NELL2: variants seen among roughly 807,000 people sequenced by gnomAD.
The protein encoded by NELL2 is neural EGFL like 2.
NELL2 carries 41 observed loss-of-function variants against 109.6 expected under a neutral mutation model. The ratio of observed to expected loss-of-function variants is 0.37; its 90% confidence interval spans 0.29 to 0.49. The LOEUF is 0.49. Ranked by LOEUF, NELL2 falls within the 20% of genes least tolerant of loss-of-function variation. The pLI is 0.98. For missense variants in NELL2, 900 were observed against 1,008.3 expected (o/e 0.89, Z 1.45); for synonymous variants, 355 against 344.7 (o/e 1.03, Z -0.33).
chr12:44,583,590 A>G (rs1944395207), intron 15 of NELL2, among the ~76,000 whole-genome samples: 4 of 152,228 alleles, frequency 2.6e-5, no homozygotes, highest in Admixed American at 2.6e-4. Context: ...TTAATAAAAA[A>G]CAAAGATTTA....
chr12:44,746,760 T>C (rs1033606068), intron 9 of NELL2, among the ~76,000 whole-genome samples: 32 of 151,848 alleles, frequency 2.1e-4, no homozygotes, highest in African/African-American at 6.1e-4. Context: ...TACCATCTCA[T>C]ACCAGTTAGA....
intron 2 of NELL2, among the ~76,000 whole-genome samples, chr12:44,873,992 T>C (rs758755302): frequency 1.3e-5 from 2 of 152,208 alleles, no homozygotes; most frequent in Non-Finnish European, 2.9e-5. Context: ...AAATTGCATT[T>C]TAATTTTTTA....
chr12:44,612,216 C>T (rs1945646780), intron 13 of NELL2, among the ~76,000 whole-genome samples: 1 of 151,872 alleles, frequency 6.6e-6, no homozygotes, highest in Non-Finnish European at 1.5e-5. Context: ...AAATCACTTA[C>T]TTCAACTACT....
intron 2 of NELL2, among the ~76,000 whole-genome samples, chr12:44,826,951 T>C (rs1943729385): frequency 6.6e-6 from 1 of 152,228 alleles, no homozygotes; most frequent in African/African-American, 2.4e-5. Context: ...TTAGAATCAT[T>C]AGGTGTTTCA....
chr12:44,918,334 C>A (rs1448171519), upstream of NELL2, among the ~76,000 whole-genome samples: 1 of 152,302 alleles, frequency 6.6e-6, no homozygotes, highest in Admixed American at 6.5e-5. Context: ...CTTTAACCAT[C>A]TGGAATGCAA....
At chr12:44,876,599 G>A, upstream of NELL2, 1 of 1,548,052 alleles carries the variant, frequency 6.5e-7, no homozygotes, top group Non-Finnish European at 8.7e-7. Context: ...GGCGGTCTTT[G>A]CTCTCACCCC....
At chr12:44,876,622 G>T, upstream of NELL2, 1 of 1,551,036 alleles carries the variant, frequency 6.4e-7, no homozygotes, top group Admixed American at 2.0e-5. Flanking sequence ...GATTTCGGGC[G>T]CGTGTCTTGA....
intron 3 of NELL2, among the ~76,000 whole-genome samples, chr12:44,792,282 CAG>C (rs1446832660): frequency 6.6e-6 from 1 of 152,018 alleles, no homozygotes; most frequent in Non-Finnish European, 1.5e-5. Context: ...AGAGAAGAAA[CAG>C]ACAATAAATG....
chr12:44,770,536 AAAATT>A (rs1480588469), intron 9 of NELL2, among the ~76,000 whole-genome samples: 1 of 152,240 alleles, frequency 6.6e-6, no homozygotes, highest in Non-Finnish European at 1.5e-5. Context: ...GATGGCTTTT[AAAATT>A]AAGTTTAAAA....
chr12:44,665,493 A>C lies in NELL2; in HGVS notation c.1435T>G (p.Ser479Ala). ...AATAGCCACCGTTTACCTGTACATG[A>C]ATAATCATCAATTCTGATGTATCCA... Reference protein sequence around the residue: ...KTGYIRIDDYSCTEHDECITN... With the variant: ...KTGYIRIDDYACTEHDECITN... The change falls in exon 13 of 20, where the codon TCA (serine) becomes GCA (alanine). Residue 479 changes from serine to alanine, a missense_variant. By Grantham distance (99) the Ser-to-Ala change is moderately conservative. Coordinates refer to ENST00000429094, the MANE Select transcript of NELL2 (RefSeq NM_001145108.2). 1 of 1,611,920 alleles carries C rather than the reference A, an allele frequency of 6.2e-7. No individual in the cohort carries two copies. The highest frequency in any genetic ancestry group is 8.5e-7 in the Non-Finnish European group (1 of 1,178,584).
At chr12:44,706,398 G>C (rs1324851052) in intron 11 of NELL2, among the ~76,000 whole-genome samples, 53 of 152,108 alleles carry the variant, frequency 3.5e-4, no homozygotes. Context: ...ATAGGGAATA[G>C]CTTTAAACAA....
At chr12:44,890,833 C>A (rs893564035) in intron 1 of NELL2, among the ~76,000 whole-genome samples, 9 of 152,128 alleles carry the variant, frequency 5.9e-5, no homozygotes, top group Non-Finnish European at 1.2e-4. Context: ...TGGGTTCAAG[C>A]GATTCTCTCA....
intron 9 of NELL2, among the ~76,000 whole-genome samples, chr12:44,747,531 A>T (rs1025488075): frequency 6.6e-6 from 1 of 152,132 alleles, no homozygotes; most frequent in Non-Finnish European, 1.5e-5. Context: ...TATTTACATT[A>T]TCTTAAGACT....
chr12:44,531,420 A>G lies in NELL2; in HGVS notation c.1804+1161T>C, dbSNP rs370011045. On this transcript the variant is annotated intron_variant, in intron 16 of 19. Coordinates refer to ENST00000429094, the MANE Select transcript of NELL2 (RefSeq NM_001145108.2). ...CCTGGCATTCTCTCCAGGGCTGGAA[A>G]TGTTCACTCTGGAACATTCACCAGT... Among the ~76,000 whole-genome samples the G allele has an allele frequency of 6.6e-5, 10 of 152,326 alleles. 1 individual carries two copies. The highest frequency in any genetic ancestry group is 2.4e-4 in the African/African-American group (10 of 41,580).
intron 2 of NELL2, among the ~76,000 whole-genome samples, chr12:44,864,502 C>G (rs956173220): frequency 6.6e-6 from 1 of 152,046 alleles, no homozygotes; most frequent in Non-Finnish European, 1.5e-5. Context: ...ATAAATTTAT[C>G]AAGAAGATAT....
At chr12:44,755,937 T>G (rs1265014562) in intron 9 of NELL2, among the ~76,000 whole-genome samples, 2 of 152,224 alleles carry the variant, frequency 1.3e-5, no homozygotes, top group African/African-American at 2.4e-5. Context: ...ACCAGATGGA[T>G]GAATAGCACA....
chr12:44,716,758 C>G (rs1217729280), intron 9 of NELL2, among the ~76,000 whole-genome samples: 1 of 152,028 alleles, frequency 6.6e-6, no homozygotes, highest in Non-Finnish European at 1.5e-5. Context: ...GCAGCCTATT[C>G]AAGTCCAAGC....
At chr12:44,734,284 G>A (rs1363838282) in intron 9 of NELL2, among the ~76,000 whole-genome samples, 1 of 151,394 alleles carries the variant, frequency 6.6e-6, no homozygotes, top group Non-Finnish European at 1.5e-5. Context: ...GATTTTTCAG[G>A]GAAAAATACC....
intron 13 of NELL2, among the ~76,000 whole-genome samples, chr12:44,620,115 GGTTTT>G (rs1945994965): frequency 7.2e-6 from 1 of 138,304 alleles, no homozygotes; most frequent in Non-Finnish European, 1.5e-5. Flanking sequence ...TGTTCGCCTG[GGTTTT>G]GTTTTTTTTT....
Sources: gnomAD v4.1 joint callset for allele counts (sites outside exome capture counted in the v4.1 genomes callset) on GRCh38, gnomAD v4.1.1 for gene constraint, MANE v1.5 for transcripts, NCBI Gene and HGNC (gene_info 2026-07-23, HGNC 2026-07-21) for gene names.